Variants in CRPPA observed in about 807,000 individuals in gnomAD.
CRPPA encodes CDP-L-ribitol pyrophosphorylase A.
CRPPA carries 43 observed loss-of-function variants against 52.0 expected under a neutral mutation model. That is an observed-to-expected ratio of 0.83 (90% CI 0.65 to 1.07). The LOEUF is 1.07. CRPPA is among the 50% of genes least tolerant of loss of function. CRPPA has a pLI of 0.00. For missense variants in CRPPA, 629 were observed against 551.7 expected (o/e 1.14, Z -1.40); for synonymous variants, 250 against 203.5 (o/e 1.23, Z -1.94).
At chr7:16,362,744 A>G (rs1295632142) in intron 3 of CRPPA, among the ~76,000 whole-genome samples, 1 of 152,234 alleles carries the variant, frequency 6.6e-6, no homozygotes, top group Non-Finnish European at 1.5e-5. Context: ...TTAAGAAATT[A>G]GCAGCTTAGA....
At chr7:16,301,025 T>C (rs1359205221) in intron 5 of CRPPA, among the ~76,000 whole-genome samples, 1 of 152,128 alleles carries the variant, frequency 6.6e-6, no homozygotes, top group African/African-American at 2.4e-5. Context: ...GGAAAAACAA[T>C]GTTTCTCACA....
intron 2 of CRPPA, among the ~76,000 whole-genome samples, chr7:16,400,260 T>C (rs553458113): frequency 6.6e-6 from 1 of 152,318 alleles, no homozygotes; most frequent in East Asian, 1.9e-4. Flanking sequence ...CAACACGTGA[T>C]TGTCACGTGA....
At chr7:16,260,408 T>C (rs1485065369) in intron 6 of CRPPA, among the ~76,000 whole-genome samples, 1 of 152,012 alleles carries the variant, frequency 6.6e-6, no homozygotes, top group Non-Finnish European at 1.5e-5. Context: ...CTATCAAGGT[T>C]CTTTTTAAAG....
chr7:16,264,557 G>C (rs946975964), intron 6 of CRPPA, among the ~76,000 whole-genome samples: 1 of 152,134 alleles, frequency 6.6e-6, no homozygotes, highest in Non-Finnish European at 1.5e-5. Flanking sequence ...GCCTAACTAA[G>C]GCTGAAAGGT....
chr7:16,105,006 A>G (rs1447594392), intron 9 of CRPPA, among the ~76,000 whole-genome samples: 1 of 152,236 alleles, frequency 6.6e-6, no homozygotes, highest in African/African-American at 2.4e-5. Context: ...AAATGTCTAG[A>G]ACTCAGGAGA....
chr7:16,162,154 G>T (rs1780913516), intron 9 of CRPPA, among the ~76,000 whole-genome samples: 2 of 151,836 alleles, frequency 1.3e-5, no homozygotes, highest in African/African-American at 4.8e-5. Context: ...CTGATTTTTT[G>T]AAGGGTTTTT....
At chr7:16,323,421 T>C (rs1442032493) in intron 3 of CRPPA, among the ~76,000 whole-genome samples, 3 of 152,178 alleles carry the variant, frequency 2.0e-5, no homozygotes, top group Non-Finnish European at 2.9e-5. Context: ...AGTATACCAG[T>C]TGCAAATCTA....
intron 9 of CRPPA, among the ~76,000 whole-genome samples, chr7:16,137,648 A>G (rs1782787019): frequency 6.6e-6 from 1 of 152,186 alleles, no homozygotes; most frequent in Non-Finnish European, 1.5e-5. Context: ...ACTGATTTTC[A>G]ATTATCTGAT....
intron 9 of CRPPA, among the ~76,000 whole-genome samples, chr7:16,095,468 G>C (rs1781917949): frequency 6.6e-6 from 1 of 152,126 alleles, no homozygotes; most frequent in Non-Finnish European, 1.5e-5. Context: ...AATAATAGCA[G>C]TTAGAATTAT....
intron 9 of CRPPA, among the ~76,000 whole-genome samples, chr7:16,135,295 T>C (rs184612064): frequency 2.0e-5 from 3 of 152,326 alleles, no homozygotes; most frequent in African/African-American, 7.2e-5. Flanking sequence ...CATATACCTT[T>C]TTGAAGACCT....
chr7:16,160,779 A>T (rs1033380581), intron 9 of CRPPA, among the ~76,000 whole-genome samples: 1 of 152,194 alleles, frequency 6.6e-6, no homozygotes, highest in Non-Finnish European at 1.5e-5. Flanking sequence ...CACGATATTG[A>T]TTATTCCTAT....
intron 9 of CRPPA, among the ~76,000 whole-genome samples, chr7:16,206,460 TG>T (rs995134197): frequency 6.6e-6 from 1 of 152,140 alleles, no homozygotes; most frequent in African/African-American, 2.4e-5. Context: ...TAGTTTCTTG[TG>T]TTTCTGAACC....
chr7:16,389,928 A>AAAAAAAAAAAAAAAAAAAAAAAAATATAT, intron 2 of CRPPA, among the ~76,000 whole-genome samples: 1 of 29,760 alleles, frequency 3.4e-5, no homozygotes, highest in Non-Finnish European at 5.3e-5. Flanking sequence ...AAAAAAAAAA[A>AAAAAAAAAAAAAAAAAAAAAAAAATATAT]ATATATATAT....
At chr7:16,367,287 T>C (rs753965261) in intron 3 of CRPPA, among the ~76,000 whole-genome samples, 2 of 152,188 alleles carry the variant, frequency 1.3e-5, no homozygotes, top group African/African-American at 2.4e-5. Flanking sequence ...CTGAGGCTCT[T>C]CCTTATCTGC....
chr7:16,223,892 C>G (rs1224350565), intron 8 of CRPPA, among the ~76,000 whole-genome samples: 1 of 151,176 alleles, frequency 6.6e-6, no homozygotes, highest in African/African-American at 2.4e-5. Flanking sequence ...TTTTTTTTGT[C>G]TTTTTGTACC....
At chr7:16,192,937 TAC>T (rs1781644834) in intron 9 of CRPPA, among the ~76,000 whole-genome samples, 1 of 152,178 alleles carries the variant, frequency 6.6e-6, no homozygotes, top group African/African-American at 2.4e-5. Flanking sequence ...ACACCAATTC[TAC>T]ACAGTCTTGA....
At position 16,301,431 on chromosome 7, in the gene CRPPA, C is replaced by T. The variant is rs766874330; in HGVS notation, c.825G>A (p.Ser275=). Reference sequence around the variant, plus strand: ...TAAGGCCAAACATACCCTTAATAATCGATTCAGCCGCATAGAGATCTCGTT... The same window carrying T: ...TAAGGCCAAACATACCCTTAATAATTGATTCAGCCGCATAGAGATCTCGTT... ...TYKRDLYAAE[S]IIKERISQEI... The change falls in exon 5 of 10, where the codon TCG becomes TCA. Residue 275 remains serine (S), a synonymous_variant. Coordinates refer to ENST00000407010, the MANE Select transcript of CRPPA (RefSeq NM_001101426.4). 3.1e-5 allele frequency: 50 copies of T among 1,612,382 alleles called. No individual in the cohort carries two copies. Among genetic ancestry groups the T allele is most frequent in the African/African-American group, 6.7e-5 (5 of 74,866 alleles).
rs570592473 is a variant in CRPPA, at chr7:16,177,218, C to G, written c.1251+38848G>C. Among the ~76,000 whole-genome samples, 327 of 152,054 alleles carry G rather than the reference C, an allele frequency of 2.2e-3. 1 individual carries two copies. The highest frequency in any genetic ancestry group is 7.5e-3 in the African/African-American group (311 of 41,462). On this transcript the variant is annotated intron_variant, in intron 9 of 9. Coordinates refer to ENST00000407010, the MANE Select transcript of CRPPA (RefSeq NM_001101426.4). ...TGTAGTGGAGGAACTGTTTTGTACC[C>G]TAGTTGTGCTGGTGGTTGCTCAATA...
Position 16,273,502 on chromosome 7 carries a change from C to G in CRPPA, c.933+4627G>C, listed in dbSNP as rs10255559. 6.9e-3 allele frequency among the ~76,000 whole-genome samples: 1,048 copies of G among 152,086 alleles called. 11 individuals carry two copies. The highest frequency in any genetic ancestry group is 0.024 in the African/African-American group (998 of 41,462). On this transcript the variant is annotated intron_variant, in intron 6 of 9. Transcript: ENST00000407010. Reference sequence around the variant, plus strand: ...GGTAGGACCACAGAGAAGAGGTCAGCAGGGGATAGCCAAACTCCAGGGGAA... The same window carrying G: ...GGTAGGACCACAGAGAAGAGGTCAGGAGGGGATAGCCAAACTCCAGGGGAA...
Sources: allele counts gnomAD v4.1 joint callset (sites outside exome capture counted in the v4.1 genomes callset), GRCh38; gene constraint gnomAD v4.1.1; transcripts MANE v1.5; gene names NCBI Gene and HGNC (gene_info 2026-07-23, HGNC 2026-07-21).